NR1H4: variants seen among roughly 807,000 people sequenced by gnomAD.
The protein encoded by NR1H4 is nuclear receptor subfamily 1 group H member 4, also known as bile acid receptor.
A neutral mutation model predicts 58.5 loss-of-function variants in NR1H4; 23 were observed. The observed-to-expected ratio is 0.39, with a 90% CI of 0.28 to 0.56. The LOEUF (loss-of-function observed/expected upper bound fraction) is 0.56, where lower values mean the gene tolerates loss of function less well. Among genes scored for constraint, NR1H4 ranks in the 20% least tolerant of loss-of-function variants. NR1H4 has a pLI of 0.58. For synonymous variants in NR1H4, 214 were observed against 198.0 expected, an observed-to-expected ratio of 1.08 and a Z score of -0.68; for missense variants, 487 against 576.9, an observed-to-expected ratio of 0.84 and a Z score of 1.60.
At chr12:100,486,398 A>T (rs1235285043) in intron 1 of NR1H4, among the ~76,000 whole-genome samples, 1 of 152,186 alleles carries the variant, frequency 6.6e-6, no homozygotes, top group Non-Finnish European at 1.5e-5. Flanking sequence ...TACAAGGAGG[A>T]GGGAGAGAAA....
intron 8 of NR1H4, among the ~76,000 whole-genome samples, chr12:100,539,255 A>G (rs1269884741): frequency 2.0e-5 from 3 of 152,226 alleles, no homozygotes; most frequent in Admixed American, 6.5e-5. Flanking sequence ...TGAGAAGGAA[A>G]AAAATTGACA....
intron 1 of NR1H4, among the ~76,000 whole-genome samples, chr12:100,475,124 C>CTAT (rs149156136): frequency 9.8e-5 from 14 of 143,086 alleles, no homozygotes; most frequent in African/African-American, 1.6e-4. Flanking sequence ...AAGTGGTTTA[C>CTAT]CTATCTATCT....
intron 9 of NR1H4, among the ~76,000 whole-genome samples, chr12:100,543,057 C>A (rs1471488629): frequency 6.6e-6 from 1 of 151,774 alleles, no homozygotes. Flanking sequence ...GAGAGAGCTC[C>A]GAAAAAGTTT....
intron 9 of NR1H4, among the ~76,000 whole-genome samples, chr12:100,551,675 T>C (rs1356686019): frequency 1.3e-5 from 2 of 152,224 alleles, no homozygotes; most frequent in Admixed American, 6.5e-5. Flanking sequence ...GAATCCATTG[T>C]TCCTCAGCTG....
rs34271689 is a variant in NR1H4 at position 100,555,916 on chromosome 12, T to G, written c.1079-5969T>G. On this transcript the variant is annotated intron_variant, in intron 9 of 10. Coordinates refer to ENST00000392986, the MANE Select transcript of NR1H4 (RefSeq NM_001206979.2). ...GTTGTATCTAGTTGGGTCATGGGTA[T>G]TTAGTTCATTCTGTAACAGCTGGAT... 5.5e-4 allele frequency among the ~76,000 whole-genome samples: 84 copies of G among 152,266 alleles called. No homozygotes were observed. In the East Asian group the frequency reaches 0.016, roughly 29 times the overall value.
At chr12:100,481,355 G>A (rs1953376181) in intron 1 of NR1H4, among the ~76,000 whole-genome samples, 1 of 151,916 alleles carries the variant, frequency 6.6e-6, no homozygotes, top group African/African-American at 2.4e-5. Flanking sequence ...TGCGAAAAAA[G>A]AAAAAACAAA....
In NR1H4 at chr12:100,493,167, G is replaced by A. The variant is rs1024656203; in HGVS notation, c.-54-103G>A. On this transcript the variant is annotated intron_variant, in intron 2 of 10. Coordinates refer to ENST00000392986, the MANE Select transcript of NR1H4 (RefSeq NM_001206979.2). ...CTATAGTAAAATGCATTCAAAGGGA[G>A]CCATTTGTACTTTCGTAAACTATCT... 19 of 634,888 alleles carry A rather than the reference G, an allele frequency of 3.0e-5. No individual in the cohort carries two copies. In the South Asian group the frequency reaches 3.1e-4, roughly 10 times the overall value. 39.3% of individuals were successfully genotyped at this position (634,888 alleles called of 1,614,324 possible). A position where few individuals can be genotyped will look rare whatever the true frequency, so the allele number is the denominator to read the frequency against.
chr12:100,515,570 G>T (rs1214667022), intron 4 of NR1H4, among the ~76,000 whole-genome samples: 1 of 152,136 alleles, frequency 6.6e-6, no homozygotes, highest in African/African-American at 2.4e-5. Flanking sequence ...GATGATCATA[G>T]ATATGATCCA....
chr12:100,481,277 A>G (rs561460660), intron 1 of NR1H4, among the ~76,000 whole-genome samples: 1 of 152,358 alleles, frequency 6.6e-6, no homozygotes, highest in East Asian at 1.9e-4. Context: ...GAAAAAAAAA[A>G]TGACAAGTTA....
At chr12:100,538,864 C>A (rs1051102006) in intron 8 of NR1H4, among the ~76,000 whole-genome samples, 1 of 152,072 alleles carries the variant, frequency 6.6e-6, no homozygotes, top group Non-Finnish European at 1.5e-5. Context: ...GCTCTCATTT[C>A]TTTATTAACA....
intron 9 of NR1H4, among the ~76,000 whole-genome samples, chr12:100,559,964 G>T (rs1955428423): frequency 6.6e-6 from 1 of 152,006 alleles, no homozygotes; most frequent in Non-Finnish European, 1.5e-5. Flanking sequence ...GTATCTAGCT[G>T]CTCTGGTGGG....
At chr12:100,520,239 G>A (rs1030846520) in intron 4 of NR1H4, among the ~76,000 whole-genome samples, 1 of 152,104 alleles carries the variant, frequency 6.6e-6, no homozygotes, top group South Asian at 2.1e-4. Context: ...CGGGCTTTGC[G>A]GGCTGACAAG....
chr12:100,508,101 C>T (rs1325581418), intron 3 of NR1H4, among the ~76,000 whole-genome samples: 1 of 151,820 alleles, frequency 6.6e-6, no homozygotes, highest in Non-Finnish European at 1.5e-5. Flanking sequence ...AGGAACATGA[C>T]TGCCAGGGAC....
intron 1 of NR1H4, among the ~76,000 whole-genome samples, chr12:100,487,607 T>C (rs1039309514): frequency 6.8e-5 from 10 of 147,418 alleles, no homozygotes; most frequent in African/African-American, 2.5e-4. Context: ...TTTTTTTTTT[T>C]TTTTTTTGAG....
chr12:100,550,418 G>A (rs1955178485), intron 9 of NR1H4, among the ~76,000 whole-genome samples: 1 of 152,122 alleles, frequency 6.6e-6, no homozygotes, highest in Non-Finnish European at 1.5e-5. Flanking sequence ...AGGCTAGAGT[G>A]CAATGGCACG....
intron 6 of NR1H4, among the ~76,000 whole-genome samples, chr12:100,535,451 A>G (rs566033527): frequency 6.6e-6 from 1 of 152,384 alleles, no homozygotes; most frequent in Non-Finnish European, 1.5e-5. Flanking sequence ...GAATAGAGAA[A>G]AGTCCTACCC....
At chr12:100,512,768 A>T (rs907750836) in intron 4 of NR1H4, among the ~76,000 whole-genome samples, 19 of 152,242 alleles carry the variant, frequency 1.2e-4, no homozygotes, top group Admixed American at 3.3e-4. Context: ...CACTCTGCTA[A>T]CATCTAGAAC....
intron 1 of NR1H4, among the ~76,000 whole-genome samples, chr12:100,480,398 G>T (rs867330133): frequency 6.6e-6 from 1 of 152,132 alleles, no homozygotes; most frequent in African/African-American, 2.4e-5. Flanking sequence ...TAGCTAAAGA[G>T]ACCAACTGAC....
intron 9 of NR1H4, among the ~76,000 whole-genome samples, chr12:100,556,050 G>A (rs970475328): frequency 2.0e-5 from 3 of 152,182 alleles, no homozygotes; most frequent in Admixed American, 1.3e-4. Flanking sequence ...GGGGAGCAGA[G>A]GGTGGTATTT....
Sources: allele counts gnomAD v4.1 joint callset (sites outside exome capture counted in the v4.1 genomes callset), GRCh38; gene constraint gnomAD v4.1.1; transcripts MANE v1.5; gene names NCBI Gene and HGNC (gene_info 2026-07-23, HGNC 2026-07-21).